Variants in ADAMTS3 observed in about 807,000 individuals in gnomAD.
ADAMTS3 encodes the protein ADAM metallopeptidase with thrombospondin type 1 motif 3.
In ADAMTS3, 73 loss-of-function variants were observed where a neutral mutation model predicts 129.0. The ratio of observed to expected loss-of-function variants is 0.57; its 90% confidence interval spans 0.47 to 0.69. The LOEUF (loss-of-function observed/expected upper bound fraction) is 0.69. ADAMTS3 is among the 30% of genes least tolerant of loss of function. The probability of loss-of-function intolerance (pLI) is 0.00; values close to 1 mark genes in which losing one functional copy is unlikely to be tolerated. For synonymous variants in ADAMTS3, 477 were observed against 510.8 expected, an observed-to-expected ratio of 0.93 and a Z score of 0.89; for missense variants, 1,457 against 1,514.5, an observed-to-expected ratio of 0.96 and a Z score of 0.63.
intron 4 of ADAMTS3, among the ~76,000 whole-genome samples, chr4:72,372,094 T>G (rs1361839699): frequency 6.6e-6 from 1 of 152,138 alleles, no homozygotes; most frequent in African/African-American, 2.4e-5. Flanking sequence ...AGAATTTATG[T>G]GATGCACGTA....
In ADAMTS3 at chr4:72,389,533, A is replaced by C. The variant is rs113415779; in HGVS notation, c.661+25282T>G. Among the ~76,000 whole-genome samples the C allele has an allele frequency of 7.2e-3, 1,085 of 151,374 alleles. 11 individuals carry two copies. Among genetic ancestry groups the C allele is most frequent in the Admixed American group, 0.013 (206 of 15,274 alleles). ...TAAATTAAAAGATGAAAAAAACAAA[A>C]AAAAAAAATCATACAAACAAGAAAC... is the stretch of plus-strand genomic sequence containing the variant. On this transcript the variant is annotated intron_variant, in intron 4 of 21. Transcript: ENST00000286657.
intron 2 of ADAMTS3, among the ~76,000 whole-genome samples, chr4:72,557,697 TA>T (rs1721803534): frequency 6.6e-6 from 1 of 151,834 alleles, no homozygotes; most frequent in African/African-American, 2.4e-5. Context: ...AAAAGCCATT[TA>T]GGAAAGAACA....
At chr4:72,370,615 T>G (rs1720981555) in intron 4 of ADAMTS3, among the ~76,000 whole-genome samples, 1 of 152,040 alleles carries the variant, frequency 6.6e-6, no homozygotes, top group South Asian at 2.1e-4. Context: ...CCAGGCATGG[T>G]GGCGCACACC....
intron 13 of ADAMTS3, 132 bp from the exon 14 acceptor site, chr4:72,311,313 T>TA: frequency 1.2e-6 from 1 of 813,736 alleles, no homozygotes; most frequent in Admixed American, 3.4e-5. Context: ...TATAAACAAA[T>TA]AAAATAAGGA....
chr4:72,428,851 T>C (rs1722630491), intron 3 of ADAMTS3, among the ~76,000 whole-genome samples: 2 of 152,036 alleles, frequency 1.3e-5, no homozygotes, highest in Non-Finnish European at 2.9e-5. Context: ...AGACATGAAT[T>C]TGAAAAGCTG....
In ADAMTS3 at chr4:72,536,999, G is replaced by C. The variant is rs917615898; in HGVS notation, c.504+11479C>G. On this transcript the variant is annotated intron_variant, in intron 3 of 21. Transcript: ENST00000286657. ...AAGCACCAAGAATTTCCCCACTAAG[G>C]CAACAATCATACTGGCAGAATCTGT... Among the ~76,000 whole-genome samples, 12 of 152,220 alleles carry C rather than the reference G, an allele frequency of 7.9e-5. No individual in the cohort carries two copies. In the East Asian group the frequency reaches 2.1e-3, roughly 27 times the overall value.
At chr4:72,426,274 T>C (rs1467314457) in intron 3 of ADAMTS3, among the ~76,000 whole-genome samples, 5 of 152,196 alleles carry the variant, frequency 3.3e-5, no homozygotes, top group Non-Finnish European at 5.9e-5. Flanking sequence ...TTTTCTCCTA[T>C]GCTGTAAGTT....
Position 72,538,631 on chromosome 4 carries a change from C to CT in ADAMTS3, c.504+9846dup, listed in dbSNP as rs200580079. Among the ~76,000 whole-genome samples the CT allele has an allele frequency of 2.1e-3, 320 of 151,806 alleles. 1 individual carries two copies. The highest frequency in any genetic ancestry group is 7.3e-3 in the African/African-American group (302 of 41,446). ...CACCTTCTGCAATAAATGCCAAAGA[C>CT]TTTTTTTTGGCAGAAGTTGAAAAAC... is the stretch of plus-strand genomic sequence containing the variant. On this transcript the variant is annotated intron_variant, in intron 3 of 21. Transcript: ENST00000286657.
chr4:72,414,793 T>G (rs2109925857), intron 4 of ADAMTS3, 22 bp downstream of exon 4: 1 of 1,365,016 alleles, frequency 7.3e-7, no homozygotes, highest in Non-Finnish European at 9.5e-7. Context: ...ATTTCATTAT[T>G]AAGCTTTGTC....
intron 3 of ADAMTS3, among the ~76,000 whole-genome samples, chr4:72,478,537 A>G (rs376262044): frequency 4.7e-5 from 7 of 148,706 alleles, no homozygotes; most frequent in African/African-American, 1.2e-4. Flanking sequence ...TTGATGGGAC[A>G]TATCTCAAAA....
At chr4:72,489,733 T>A (rs1340076642) in intron 3 of ADAMTS3, among the ~76,000 whole-genome samples, 1 of 151,938 alleles carries the variant, frequency 6.6e-6, no homozygotes, top group Admixed American at 6.6e-5. Context: ...TAATTTCTTA[T>A]TGTGCCTATT....
chr4:72,468,502 C>T (rs1718979542), intron 3 of ADAMTS3, among the ~76,000 whole-genome samples: 2 of 152,004 alleles, frequency 1.3e-5, no homozygotes, highest in South Asian at 4.1e-4. Flanking sequence ...ATGGTAATTA[C>T]ATAAATAAGG....
chr4:72,477,750 G>T lies in ADAMTS3; in HGVS notation c.505-62779C>A, dbSNP rs186598095. ...ACCCTTCAAAAAATCAATGAATCCA[G>T]GAGCTGGTTTTTTGAAAGGATCAAC... is the stretch of plus-strand genomic sequence containing the variant. On this transcript the variant is annotated intron_variant, in intron 3 of 21. Coordinates refer to ENST00000286657, the MANE Select transcript of ADAMTS3 (RefSeq NM_014243.3). Among the ~76,000 whole-genome samples the T allele has an allele frequency of 5.4e-4, 82 of 152,042 alleles. 1 individual carries two copies. The highest frequency in any genetic ancestry group is 2.0e-3 in the African/African-American group (82 of 41,454).
chr4:72,424,328 G>A (rs989203531), intron 3 of ADAMTS3, among the ~76,000 whole-genome samples: 3 of 152,076 alleles, frequency 2.0e-5, no homozygotes, highest in South Asian at 2.1e-4. Flanking sequence ...TACCATTTCA[G>A]TTCCCTAATG....
At chr4:72,513,622 A>G (rs1298482693) in intron 3 of ADAMTS3, among the ~76,000 whole-genome samples, 3 of 152,184 alleles carry the variant, frequency 2.0e-5, no homozygotes, top group African/African-American at 4.8e-5. Flanking sequence ...TACTTGTCAC[A>G]TCCATATGTT....
chr4:72,397,867 T>C (rs951903188), intron 4 of ADAMTS3, among the ~76,000 whole-genome samples: 1 of 152,028 alleles, frequency 6.6e-6, no homozygotes, highest in Non-Finnish European at 1.5e-5. Context: ...GAGAAGACCA[T>C]GGATATTCAG....
chr4:72,521,579 T>A (rs1271381488), intron 3 of ADAMTS3, among the ~76,000 whole-genome samples: 1 of 152,168 alleles, frequency 6.6e-6, no homozygotes, highest in Non-Finnish European at 1.5e-5. Flanking sequence ...ATTATTTTCA[T>A]TGTGAAAGCT....
intron 4 of ADAMTS3, among the ~76,000 whole-genome samples, chr4:72,358,210 A>T (rs1031017362): frequency 1.8e-4 from 27 of 151,918 alleles, no homozygotes; most frequent in African/African-American, 6.5e-4. Context: ...CATGATATAA[A>T]CTACTTTTAT....
intron 19 of ADAMTS3, among the ~76,000 whole-genome samples, chr4:72,292,807 G>A (rs1718710005): frequency 6.6e-6 from 1 of 152,094 alleles, no homozygotes; most frequent in Admixed American, 6.6e-5. Flanking sequence ...AACCTTGGCA[G>A]TCTTTGGTAT....
Sources: gnomAD v4.1 joint callset for allele counts (sites outside exome capture counted in the v4.1 genomes callset) on GRCh38, gnomAD v4.1.1 for gene constraint, MANE v1.5 for transcripts, NCBI Gene and HGNC (gene_info 2026-07-23, HGNC 2026-07-21) for gene names.